MIR2052HG: variants seen among roughly 807,000 people sequenced by gnomAD.
MIR2052HG encodes the protein MIR2052 host gene.
At chr8:74,698,134 G>A (rs960677427) in intron 2 of MIR2052HG, among the ~76,000 whole-genome samples, 1 of 152,154 alleles carries the variant, frequency 6.6e-6, no homozygotes, top group African/African-American at 2.4e-5. Context: ...CACCAAAGCA[G>A]CATTGTACTG....
chr8:74,664,809 C>T (rs1808904858), intron 2 of MIR2052HG, among the ~76,000 whole-genome samples: 1 of 152,226 alleles, frequency 6.6e-6, no homozygotes, highest in South Asian at 2.1e-4. Context: ...TGAGCCACTG[C>T]ACCAGGCCTC....
intron 2 of MIR2052HG, among the ~76,000 whole-genome samples, chr8:74,664,172 C>T (rs752632565): frequency 2.0e-5 from 3 of 151,202 alleles, no homozygotes; most frequent in East Asian, 3.9e-4. Context: ...CTATGTATTG[C>T]GTACGATGCA....
intron 2 of MIR2052HG, among the ~76,000 whole-genome samples, chr8:74,681,854 A>G (rs1809128650): frequency 6.6e-6 from 1 of 152,214 alleles, no homozygotes; most frequent in South Asian, 2.1e-4. Context: ...AGGCTAATAT[A>G]GGAACAGTAT....
chr8:74,718,735 C>T (rs1343741444), intron 4 of MIR2052HG, among the ~76,000 whole-genome samples: 2 of 152,124 alleles, frequency 1.3e-5, no homozygotes, highest in African/African-American at 4.8e-5. Flanking sequence ...GGACTGTCTT[C>T]TGGGTTGCGA....
At chr8:74,720,523 A>T (rs1289397866) in intron 4 of MIR2052HG, among the ~76,000 whole-genome samples, 2 of 152,162 alleles carry the variant, frequency 1.3e-5, no homozygotes, top group African/African-American at 4.8e-5. Context: ...ATAAATACAC[A>T]ATTATCTCTA....
At chr8:74,702,376 C>T (rs989058189) in intron 2 of MIR2052HG, 1 of 451,852 alleles carries the variant, frequency 2.2e-6, no homozygotes, top group African/African-American at 2.0e-5. Flanking sequence ...CTTCCTTTGC[C>T]AGCTGAAGCT....
intron 2 of MIR2052HG, among the ~76,000 whole-genome samples, chr8:74,688,781 C>A (rs115111068): frequency 0.014 from 2,184 of 152,120 alleles, 54 homozygotes; most frequent in African/African-American, 0.047. Context: ...TACACTGAAC[C>A]CAATTTGTCG....
At chr8:74,645,650 T>G (rs1808683910) in intron 2 of MIR2052HG, among the ~76,000 whole-genome samples, 1 of 152,242 alleles carries the variant, frequency 6.6e-6, no homozygotes, top group African/African-American at 2.4e-5. Context: ...TAGTGACTGC[T>G]AATGCTTATG....
chr8:74,636,730 A>G (rs1427417459), intron 2 of MIR2052HG, among the ~76,000 whole-genome samples: 1 of 152,150 alleles, frequency 6.6e-6, no homozygotes, highest in African/African-American at 2.4e-5. Context: ...AGAGCAGCAC[A>G]TTAAATGCCT....
chr8:74,612,742 A>G, intron 1 of MIR2052HG: 2 of 367,962 alleles, frequency 5.4e-6, no homozygotes, highest in Non-Finnish European at 1.1e-5. Context: ...CTGTAAAAAC[A>G]TATTGCTTTT....
chr8:74,748,748 G>A (rs1397258718), intron 4 of MIR2052HG, among the ~76,000 whole-genome samples: 1 of 152,152 alleles, frequency 6.6e-6, no homozygotes, highest in Non-Finnish European at 1.5e-5. Context: ...CAATTTCAGG[G>A]ATAAAGGAAA....
At chr8:74,604,607 T>TTTTTG (rs1563509484) in intron 1 of MIR2052HG, among the ~76,000 whole-genome samples, 5 of 140,982 alleles carry the variant, frequency 3.5e-5, no homozygotes, top group African/African-American at 1.1e-4. Context: ...TTTTTTTTTT[T>TTTTTG]TCTGAGACGG....
At chr8:74,695,017 G>A (rs766154101) in intron 2 of MIR2052HG, among the ~76,000 whole-genome samples, 5 of 152,108 alleles carry the variant, frequency 3.3e-5, no homozygotes, top group East Asian at 1.9e-4. Flanking sequence ...ACCTATGCAC[G>A]TAGTCATCAG....
intron 2 of MIR2052HG, among the ~76,000 whole-genome samples, chr8:74,692,509 A>G (rs1809249896): frequency 6.6e-6 from 1 of 152,238 alleles, no homozygotes; most frequent in Non-Finnish European, 1.5e-5. Flanking sequence ...GTGATGACGT[A>G]ACTTCTGTAA....
intron 4 of MIR2052HG, among the ~76,000 whole-genome samples, chr8:74,739,134 A>G (rs1809801148): frequency 6.6e-6 from 1 of 152,218 alleles, no homozygotes. Context: ...TGCTGTTACT[A>G]ATAAGCAATC....
chr8:74,616,555 A>G (rs952053074), intron 2 of MIR2052HG, among the ~76,000 whole-genome samples: 1 of 151,720 alleles, frequency 6.6e-6, no homozygotes, highest in African/African-American at 2.4e-5. Flanking sequence ...CGTTATGTTT[A>G]TATAATTGCA....
At chr8:74,753,610 C>A (rs1026072643) in intron 5 of MIR2052HG, among the ~76,000 whole-genome samples, 1 of 152,122 alleles carries the variant, frequency 6.6e-6, no homozygotes, top group Non-Finnish European at 1.5e-5. Context: ...CTATATTTCC[C>A]ACTGTACCCA....
intron 2 of MIR2052HG, among the ~76,000 whole-genome samples, chr8:74,622,659 A>T (rs1011132444): frequency 4.6e-5 from 7 of 152,232 alleles, no homozygotes; most frequent in South Asian, 4.1e-4. Flanking sequence ...AAAAATGCTC[A>T]ACATCACTAA....
chr8:74,636,362 A>AT (rs1012339582), intron 2 of MIR2052HG, among the ~76,000 whole-genome samples: 1 of 151,894 alleles, frequency 6.6e-6, no homozygotes, highest in Admixed American at 6.6e-5. Flanking sequence ...ATGCTTTTAC[A>AT]TTTTTTCTCG....
Sources: allele counts gnomAD v4.1 joint callset (sites outside exome capture counted in the v4.1 genomes callset), GRCh38; gene constraint gnomAD v4.1.1; transcripts MANE v1.5; gene names NCBI Gene and HGNC (gene_info 2026-07-23, HGNC 2026-07-21).